EEA1: variants seen among roughly 807,000 people sequenced by gnomAD.
EEA1 encodes early endosome antigen 1, also known as early endosome antigen 1, 162kD.
In EEA1, 111 loss-of-function variants were observed where a neutral mutation model predicts 209.2. The ratio of observed to expected loss-of-function variants is 0.53; its 90% CI spans 0.45 to 0.62. EEA1 has a LOEUF of 0.62. Ranked by LOEUF, EEA1 falls within the 20% of genes least tolerant of loss-of-function variation. EEA1 has a pLI of 0.00. For synonymous variants in EEA1, 536 were observed against 540.6 expected (o/e 0.99, Z 0.12); for missense variants, 1,343 against 1,530.8 (o/e 0.88, Z 2.05).
At chr12:92,898,758 T>C (rs1300447870) in intron 1 of EEA1, among the ~76,000 whole-genome samples, 4 of 116,818 alleles carry the variant, frequency 3.4e-5, no homozygotes, top group African/African-American at 1.4e-4. Flanking sequence ...TTTTTTTTTT[T>C]TAGAGACAGG....
At chr12:92,879,732 A>T (rs1283535736) in intron 2 of EEA1, among the ~76,000 whole-genome samples, 2 of 152,312 alleles carry the variant, frequency 1.3e-5, no homozygotes, top group African/African-American at 4.8e-5. Context: ...TTAATATTTG[A>T]CCCAAATTAA....
chr12:92,788,166 G>T, intron 21 of EEA1, 117 bp from the exon 22 acceptor site: 2 of 759,386 alleles, frequency 2.6e-6, no homozygotes, highest in Non-Finnish European at 3.7e-6. Flanking sequence ...CTGTACTTAT[G>T]CCCCAAATTT....
intron 1 of EEA1, among the ~76,000 whole-genome samples, chr12:92,904,435 T>G (rs1329676427): frequency 6.6e-6 from 1 of 152,214 alleles, no homozygotes; most frequent in Non-Finnish European, 1.5e-5. Context: ...AACAAATGTT[T>G]GAGTTTTCCA....
chr12:92,815,977 T>G (rs897182089), intron 15 of EEA1, among the ~76,000 whole-genome samples: 58 of 123,420 alleles, frequency 4.7e-4, no homozygotes, highest in African/African-American at 7.4e-4. Context: ...AAAGGAAGAG[T>G]GAGAGGAAGG....
Position 92,787,861 on chromosome 12 carries a change from C to G in EEA1, c.3150+6G>C. On this transcript the variant is annotated splice_donor_region_variant and intron_variant, in intron 22 of 28. Transcript: ENST00000322349. The stretch of plus-strand genomic sequence containing the variant: ...AGACTTTATGGTACAGTATAGTTTA[C>G]TATACCTTAAGATCTTGCCTGGTGG... The G allele has an allele frequency of 6.3e-7, 1 of 1,593,434 alleles. No homozygotes were observed. Among genetic ancestry groups the G allele is most frequent in the Non-Finnish European group, 8.5e-7 (1 of 1,171,762 alleles).
intron 13 of EEA1, chr12:92,820,942 T>A (rs80185157): frequency 0.015 from 2,295 of 152,222 alleles, 53 homozygotes; most frequent in African/African-American, 0.052. Flanking sequence ...TCCTGGTATT[T>A]CACTGCCATT....
At position 92,771,151 on chromosome 12, in the gene EEA1, A is replaced by C. The variant is rs1298826293; in HGVS notation, c.*4860T>G. ...TACTATTAACTACATTCAAGGAACT[A>C]GTTCTTAGGGTCAGATTATTGCATC... On this transcript the variant is annotated 3_prime_UTR_variant, in exon 29 of 29. Coordinates refer to ENST00000322349, the MANE Select transcript of EEA1 (RefSeq NM_003566.4). 1 of 152,108 alleles carries C rather than the reference A, an allele frequency of 6.6e-6. No individual in the cohort carries two copies. The highest frequency in any genetic ancestry group is 1.5e-5 in the Non-Finnish European group (1 of 67,986). 9.4% of individuals were successfully genotyped at this position (152,108 alleles called of 1,614,324 possible).
chr12:92,816,395 A>G lies in EEA1; in HGVS notation c.1734T>C (p.Thr578=), dbSNP rs1875786540. 1 of 1,613,588 alleles carries G rather than the reference A, an allele frequency of 6.2e-7. No homozygotes were observed. Among genetic ancestry groups the G allele is most frequent in the Admixed American group, 1.7e-5 (1 of 59,992 alleles). ...GATTCTTCAGCTTCTCTGTTAGTTG[A>G]GTTACCTGTTATACAAGTAAGACTA... ...EKNHTLQEQV[T]QLTEKLKNQS... The change falls in exon 15 of 29, where the codon ACT becomes ACC. Residue 578 remains threonine, a synonymous_variant. Transcript: ENST00000322349.
intron 17 of EEA1, among the ~76,000 whole-genome samples, chr12:92,810,030 C>T (rs556610573): frequency 1.3e-5 from 2 of 152,138 alleles, no homozygotes; most frequent in Admixed American, 6.5e-5. Context: ...TAGTTTGCAT[C>T]TCACATGTAT....
rs1565841261 is a variant in EEA1 at position 92,864,889 on chromosome 12, AT to A, written c.215del (p.His72LeufsTer9). The A allele has an allele frequency of 6.2e-7, 1 of 1,607,080 alleles. No individual in the cohort carries two copies. The highest frequency in any genetic ancestry group is 8.5e-7 in the Non-Finnish European group (1 of 1,176,706). On this transcript the variant is annotated frameshift_variant, in exon 3 of 29. Transcript: ENST00000322349. LOFTEE classifies it high-confidence loss of function. Reference protein sequence around the residue: ...AVHDAGNDSGHGGESNLALKR... With the variant: ...AVHDAGNDSGXGGESNLALKR... ...TCAAAGCAAGATTAGACTCTCCTCC[AT>A]GACCTGAGTCATTACCAGCATCATG...
intron 1 of EEA1, among the ~76,000 whole-genome samples, chr12:92,894,040 G>C (rs1427257618): frequency 1.3e-5 from 2 of 152,032 alleles, no homozygotes; most frequent in East Asian, 3.8e-4. Context: ...TTGTATCTCT[G>C]TGTCACATTT....
chr12:92,895,315 C>G (rs1487868478), intron 1 of EEA1: 1 of 151,990 alleles, frequency 6.6e-6, no homozygotes, highest in African/African-American at 2.4e-5. Context: ...GTGCCTGCCA[C>G]CAAGGCCGCC....
At chr12:92,897,681 C>T (rs1484457810) in intron 1 of EEA1, among the ~76,000 whole-genome samples, 1 of 152,128 alleles carries the variant, frequency 6.6e-6, no homozygotes, top group Admixed American at 6.5e-5. Flanking sequence ...GGACAACTTG[C>T]AGTCACGACC....
intron 21 of EEA1, among the ~76,000 whole-genome samples, chr12:92,797,721 T>C (rs1874720394): frequency 6.6e-6 from 1 of 152,196 alleles, no homozygotes; most frequent in East Asian, 1.9e-4. Context: ...CTGTGATAAT[T>C]ACATGTTGAC....
At chr12:92,898,493 A>T (rs1020601302) in intron 1 of EEA1, among the ~76,000 whole-genome samples, 2 of 151,810 alleles carry the variant, frequency 1.3e-5, no homozygotes, top group African/African-American at 2.4e-5. Context: ...GTGAAACCTC[A>T]TCTCTACTAA....
intron 11 of EEA1, 60 bp from the exon 12 acceptor site, chr12:92,828,121 T>C: frequency 7.9e-7 from 1 of 1,268,922 alleles, no homozygotes; most frequent in Non-Finnish European, 1.0e-6. Context: ...CAGCACCACC[T>C]ACTTTCCAAA....
chr12:92,895,276 C>T (rs61935288), intron 1 of EEA1: 1 of 151,710 alleles, frequency 6.6e-6, no homozygotes, highest in Admixed American at 6.6e-5. Flanking sequence ...CCGCCTCAGT[C>T]TCCTGCCTCA....
chr12:92,803,707 TAA>T (rs1875049061), intron 18 of EEA1, among the ~76,000 whole-genome samples: 1 of 152,058 alleles, frequency 6.6e-6, no homozygotes, highest in Non-Finnish European at 1.5e-5. Context: ...TTTTACCTCC[TAA>T]AAAATAGCTG....
chr12:92,779,224 AGG>A lies in EEA1; in HGVS notation c.3543_3544del (p.Leu1182GlufsTer5), dbSNP rs1565804517. 6.2e-7 allele frequency: 1 copy of A among 1,610,382 alleles called. No individual in the cohort carries two copies. The highest frequency in any genetic ancestry group is 8.5e-7 in the Non-Finnish European group (1 of 1,178,816). ...CTTCTCCTGTTCAACAGCTGCCTTCAGGGAGTCCGCTTTTCCTTGAAGTTCTA... is the reference window on the plus strand; with the variant it reads ...CTTCTCCTGTTCAACAGCTGCCTTCAGAGTCCGCTTTTCCTTGAAGTTCTA... On this transcript the variant is annotated frameshift_variant, in exon 25 of 29. Coordinates refer to ENST00000322349, the MANE Select transcript of EEA1 (RefSeq NM_003566.4). LOFTEE classifies it high-confidence loss of function.
Sources: gnomAD v4.1 joint callset for allele counts (sites outside exome capture counted in the v4.1 genomes callset) on GRCh38, gnomAD v4.1.1 for gene constraint, MANE v1.5 for transcripts, NCBI Gene and HGNC (gene_info 2026-07-23, HGNC 2026-07-21) for gene names.